The following COL19A1 variants were observed in gnomAD, a reference collection of about 807,000 sequenced individuals.
COL19A1 encodes collagen alpha-1(XIX) chain.
A neutral mutation model predicts 190.2 loss-of-function variants in COL19A1; 159 were observed. The observed-to-expected ratio is 0.84, with a 90% CI of 0.73 to 0.95. COL19A1 has a LOEUF of 0.95. Ranked by LOEUF, COL19A1 falls within the 40% of genes least tolerant of loss-of-function variation. COL19A1 has a pLI of 0.00. For synonymous variants in COL19A1, 509 were observed against 458.9 expected (o/e 1.11, Z -1.39); for missense variants, 1,418 against 1,431.9 (o/e 0.99, Z 0.16).
intron 14 of COL19A1, among the ~76,000 whole-genome samples, chr6:70,056,684 C>G (rs182093194): frequency 4.6e-5 from 7 of 152,154 alleles, no homozygotes; most frequent in Admixed American, 2.0e-4. Flanking sequence ...CAATCTTAAT[C>G]CTCCTAAGAA....
intron 1 of COL19A1, chr6:69,867,490 G>C (rs1767542701): frequency 6.6e-6 from 1 of 152,300 alleles, no homozygotes; most frequent in South Asian, 2.0e-4. Flanking sequence ...ACCGCCGAGA[G>C]CGCGCCGGCG....
chr6:69,898,883 T>C (rs914271077), intron 2 of COL19A1, 65 bp from the exon 3 acceptor site: 36 of 914,854 alleles, frequency 3.9e-5, no homozygotes, highest in Non-Finnish European at 5.8e-5. Context: ...AAGTTTCTGA[T>C]TGTACTGTGT....
intron 18 of COL19A1, among the ~76,000 whole-genome samples, chr6:70,131,593 G>A (rs1785526687): frequency 6.6e-6 from 1 of 152,084 alleles, no homozygotes; most frequent in African/African-American, 2.4e-5. Flanking sequence ...TAACCTAATA[G>A]CTAACAGAAA....
intron 18 of COL19A1, among the ~76,000 whole-genome samples, chr6:70,132,981 A>G (rs760568560): frequency 3.9e-5 from 6 of 152,188 alleles, no homozygotes; most frequent in East Asian, 1.9e-4. Context: ...TAAAACACAT[A>G]TAAAGCCCTC....
chr6:69,867,297 C>G (rs1010466635), intron 1 of COL19A1: 2 of 152,502 alleles, frequency 1.3e-5, no homozygotes, highest in African/African-American at 4.8e-5. Flanking sequence ...CACCACGTTC[C>G]GGAGCGTCCG....
chr6:70,106,040 A>T (rs1377940678), intron 16 of COL19A1, among the ~76,000 whole-genome samples: 5 of 152,204 alleles, frequency 3.3e-5, no homozygotes, highest in Admixed American at 3.3e-4. Context: ...TAATAACAGC[A>T]TACTTTATAA....
chr6:70,068,525 T>G, intron 15 of COL19A1, 49 bp downstream of exon 15: 2 of 1,217,476 alleles, frequency 1.6e-6, no homozygotes, highest in Non-Finnish European at 2.4e-6. Context: ...TAGGGGATAC[T>G]TATTTGGGAA....
intron 15 of COL19A1, among the ~76,000 whole-genome samples, chr6:70,081,540 A>T (rs1782254862): frequency 9.2e-5 from 14 of 152,210 alleles, no homozygotes; most frequent in Admixed American, 9.2e-4. Context: ...AGTTTATACC[A>T]GAATGTAAAT....
chr6:70,204,187 A>G (rs1300607381), intron 49 of COL19A1, among the ~76,000 whole-genome samples: 1 of 152,146 alleles, frequency 6.6e-6, no homozygotes, highest in Non-Finnish European at 1.5e-5. Flanking sequence ...CGTATATGGA[A>G]ATACATGTCT....
chr6:69,912,773 C>T (rs1395620949), intron 4 of COL19A1, among the ~76,000 whole-genome samples: 2 of 152,188 alleles, frequency 1.3e-5, no homozygotes, highest in African/African-American at 4.8e-5. Flanking sequence ...ACTCCTGGCT[C>T]ACCATCATTT....
At chr6:69,915,819 C>T (rs1771257938) in intron 4 of COL19A1, among the ~76,000 whole-genome samples, 1 of 151,754 alleles carries the variant, frequency 6.6e-6, no homozygotes, top group Non-Finnish European at 1.5e-5. Flanking sequence ...AAAATAAATA[C>T]AGAGGTACTA....
chr6:69,966,373 GTGTC>G (rs1198502045), intron 11 of COL19A1, among the ~76,000 whole-genome samples: 1 of 152,242 alleles, frequency 6.6e-6, no homozygotes, highest in Non-Finnish European at 1.5e-5. Context: ...GATTGTTGCT[GTGTC>G]TGTGTAGAAA....
chr6:70,212,232 T>G lies in COL19A1; in HGVS notation c.*4958T>G, dbSNP rs1485542072. Among the ~76,000 whole-genome samples the G allele has an allele frequency of 6.6e-6, 1 of 152,242 alleles. No individual in the cohort carries two copies. Among genetic ancestry groups the G allele is most frequent in the African/African-American group, 2.4e-5 (1 of 41,468 alleles). On this transcript the variant is annotated 3_prime_UTR_variant, in exon 51 of 51. Transcript: ENST00000620364. ...TGTATTGGGTGTATTTTACAACTAT[T>G]TATTTTTAAATAACATTTAGGGTGT...
At chr6:69,907,772 G>C (rs868238339) in intron 4 of COL19A1, among the ~76,000 whole-genome samples, 1 of 152,132 alleles carries the variant, frequency 6.6e-6, no homozygotes, top group Non-Finnish European at 1.5e-5. Context: ...GGTAGCATTC[G>C]GTAAGTCACT....
intron 2 of COL19A1, among the ~76,000 whole-genome samples, chr6:69,898,515 C>T: frequency 6.6e-6 from 1 of 152,090 alleles, no homozygotes; most frequent in East Asian, 1.9e-4. Context: ...TTAGTAACTT[C>T]CATATATGTT....
rs556572644 is a variant in COL19A1 at position 69,991,038 on chromosome 6, T to G, written c.1026+28168T>G. On this transcript the variant is annotated intron_variant, in intron 11 of 50. Transcript: ENST00000620364. The stretch of plus-strand genomic sequence containing the variant: ...ATAGATAGTTTTGTTATTCTGATCC[T>G]CCTCCCACTCTCTATCCTCAAGTAG... Among the ~76,000 whole-genome samples, 3 of 152,138 alleles carry G rather than the reference T, an allele frequency of 2.0e-5. No homozygotes were observed. The South Asian group carries it at 6.2e-4, about 32-fold the overall frequency.
Position 70,192,707 on chromosome 6 carries a change from T to A in COL19A1, c.3094+2326T>A, listed in dbSNP as rs183077927. ...TGCACAGTGAAAATGCTGGCACACT[T>A]GTTAAAAAATGATTAAGAATTTTAA... On this transcript the variant is annotated intron_variant, in intron 48 of 50. Coordinates refer to ENST00000620364, the MANE Select transcript of COL19A1 (RefSeq NM_001858.6). Among the ~76,000 whole-genome samples, 15 of 152,326 alleles carry A rather than the reference T, an allele frequency of 9.8e-5. No individual in the cohort carries two copies. The East Asian group carries it at 2.3e-3, about 23-fold the overall frequency.
intron 19 of COL19A1, among the ~76,000 whole-genome samples, chr6:70,140,457 T>C (rs1278150597): frequency 6.6e-6 from 1 of 152,110 alleles, no homozygotes; most frequent in Non-Finnish European, 1.5e-5. Flanking sequence ...GGTTAACCTC[T>C]TCAAGTCATT....
chr6:70,029,022 T>C (rs933319328), intron 12 of COL19A1, among the ~76,000 whole-genome samples: 3 of 152,124 alleles, frequency 2.0e-5, no homozygotes, highest in Non-Finnish European at 4.4e-5. Flanking sequence ...CTTTTAAGTA[T>C]CCCTTATTAG....
Sources: gnomAD v4.1 joint callset for allele counts (sites outside exome capture counted in the v4.1 genomes callset) on GRCh38, gnomAD v4.1.1 for gene constraint, MANE v1.5 for transcripts, NCBI Gene and HGNC (gene_info 2026-07-23, HGNC 2026-07-21) for gene names.